NEMP2: variants seen among roughly 807,000 people sequenced by gnomAD.
The protein encoded by NEMP2 is UPF0571 transmembrane protein.
In NEMP2, 53 loss-of-function variants were observed where a neutral mutation model predicts 54.2. The observed-to-expected ratio is 0.98, with a 90% CI of 0.78 to 1.23. The LOEUF (loss-of-function observed/expected upper bound fraction) is 1.23, where lower values mean the gene tolerates loss of function less well. NEMP2 is among the 50% of genes most tolerant of loss of function. The probability of loss-of-function intolerance (pLI) is 0.00; values close to 1 mark genes in which losing one functional copy is unlikely to be tolerated. For synonymous variants in NEMP2, 197 were observed against 190.3 expected (o/e 1.04, Z -0.29); for missense variants, 455 against 511.3 (o/e 0.89, Z 1.06).
the NEMP2 span, among the ~76,000 whole-genome samples, chr2:190,617,613 A>G: frequency 6.6e-6 from 1 of 152,176 alleles, no homozygotes; most frequent in Non-Finnish European, 1.5e-5. The surrounding 1 kb of genome is among the most constrained non-coding windows in gnomAD (Gnocchi z 5.0). Context: ...TGTCATTTTC[A>G]TTTCTTGCTC....
chr2:190,436,545 A>T, the NEMP2 span: 1 of 1,614,234 alleles, frequency 6.2e-7, no homozygotes, highest in Admixed American at 1.7e-5. This position sits in a 1 kb window ranked among gnomAD's most constrained non-coding sequence, Gnocchi z 5.3. Flanking sequence ...CCACCAATGC[A>T]AGTCACCAGT....
chr2:190,492,064 A>G, the NEMP2 span, among the ~76,000 whole-genome samples: 1 of 152,320 alleles, frequency 6.6e-6, no homozygotes, highest in South Asian at 2.1e-4. This position sits in a 1 kb window ranked among gnomAD's most constrained non-coding sequence, Gnocchi z 5.2. Flanking sequence ...AAAGAACTTC[A>G]GAGCTCAAAG....
chr2:190,618,447 T>G, the NEMP2 span, among the ~76,000 whole-genome samples: 1 of 152,228 alleles, frequency 6.6e-6, no homozygotes, highest in Non-Finnish European at 1.5e-5. Context: ...TAGAGCACTA[T>G]TGTGACTTTT....
chr2:190,491,735 A>C, the NEMP2 span, among the ~76,000 whole-genome samples: 1 of 152,222 alleles, frequency 6.6e-6, no homozygotes, highest in Non-Finnish European at 1.5e-5. This position sits in a 1 kb window ranked among gnomAD's most constrained non-coding sequence, Gnocchi z 4.2. Flanking sequence ...TTCTAGTAAT[A>C]TGACAAAACA....
Position 190,530,659 on chromosome 2 carries a change from G to A in NEMP2, c.97+3900C>T, listed in dbSNP as rs868490213. On this transcript the variant is annotated intron_variant, in intron 1 of 8. Transcript: ENST00000409150. The surrounding 1 kb of genome is among the most constrained non-coding windows in gnomAD (Gnocchi z 4.6). The stretch of plus-strand genomic sequence containing the variant: ...AATCTTCTTCTAGAGCCATTTCACT[G>A]CTCGGTTTCAATCATGTCCAATGGA... 6.6e-6 allele frequency among the ~76,000 whole-genome samples: 1 copy of A among 152,122 alleles called. No individual in the cohort carries two copies. Among genetic ancestry groups the A allele is most frequent in the Non-Finnish European group, 1.5e-5 (1 of 68,026 alleles).
the NEMP2 span, among the ~76,000 whole-genome samples, chr2:190,632,820 G>A: frequency 2.6e-5 from 4 of 152,150 alleles, no homozygotes; most frequent in Non-Finnish European, 5.9e-5. This position sits in a 1 kb window ranked among gnomAD's most constrained non-coding sequence, Gnocchi z 4.8. Context: ...TGACCAAGCA[G>A]TAATATGTGG....
rs1690767482 is a variant in NEMP2 at position 190,522,010 on chromosome 2, A to G, written c.214-2827T>C. On this transcript the variant is annotated intron_variant, in intron 2 of 8. Transcript: ENST00000409150. The surrounding 1 kb of genome is among the most constrained non-coding windows in gnomAD (Gnocchi z 5.0). ...TGCATCGCTAATTACTTTGCAAAAA[A>G]AGACACAGGAAAGATATACCAGAAA... Among the ~76,000 whole-genome samples the G allele has an allele frequency of 1.3e-5, 2 of 152,200 alleles. No homozygotes were observed. Among genetic ancestry groups the G allele is most frequent in the Admixed American group, 1.3e-4 (2 of 15,284 alleles).
the NEMP2 span, chr2:190,624,774 A>G: frequency 1.3e-5 from 2 of 152,200 alleles, no homozygotes; most frequent in Non-Finnish European, 2.9e-5. Flanking sequence ...GGAGGTAGAG[A>G]GTGGATTCAT....
the NEMP2 span, among the ~76,000 whole-genome samples, chr2:190,445,099 T>G: frequency 6.6e-6 from 1 of 152,302 alleles, no homozygotes; most frequent in South Asian, 2.1e-4. Context: ...TCCATCCTGC[T>G]TGTGCTCCTT....
the NEMP2 span, among the ~76,000 whole-genome samples, chr2:190,618,395 T>C: frequency 6.6e-6 from 1 of 152,180 alleles, no homozygotes; most frequent in East Asian, 1.9e-4. Context: ...AATGACACTT[T>C]ATGAGAAACA....
chr2:190,505,433 C>T lies in NEMP2; in HGVS notation c.*3756G>A, dbSNP rs1690164336. On this transcript the variant is annotated 3_prime_UTR_variant, in exon 9 of 9. Coordinates refer to ENST00000409150, the MANE Select transcript of NEMP2 (RefSeq NM_001142645.2). This position sits in a 1 kb window ranked among gnomAD's most constrained non-coding sequence, Gnocchi z 5.8. ...ATATAGTGCCTGATGGATCTCTAGT[C>T]AATGTTGGTATTCTTTCCCTTTCTC... 1 of 152,096 alleles carries T rather than the reference C, an allele frequency of 6.6e-6. No homozygotes were observed. The highest frequency in any genetic ancestry group is 1.5e-5 in the Non-Finnish European group (1 of 68,018). 9.4% of individuals were successfully genotyped at this position (152,096 alleles called of 1,614,324 possible). A position where few individuals can be genotyped will look rare whatever the true frequency, so the allele number is the denominator to read the frequency against.
downstream of NEMP2, among the ~76,000 whole-genome samples, chr2:190,504,110 G>C (rs1440658648): frequency 6.6e-6 from 1 of 152,154 alleles, no homozygotes; most frequent in East Asian, 1.9e-4. The surrounding 1 kb of genome is among the most constrained non-coding windows in gnomAD (Gnocchi z 5.6). Flanking sequence ...GAGTCACACT[G>C]TTTGCATTTG....
the NEMP2 span, among the ~76,000 whole-genome samples, chr2:190,474,581 A>C: frequency 2.0e-5 from 3 of 152,358 alleles, no homozygotes; most frequent in Middle Eastern, 3.4e-3. Flanking sequence ...TTAATAGCTT[A>C]CCAACCAAAA....
chr2:190,612,665 C>T, the NEMP2 span, among the ~76,000 whole-genome samples: 2 of 152,126 alleles, frequency 1.3e-5, no homozygotes, highest in African/African-American at 4.8e-5. Context: ...TGACCTAAAG[C>T]ATTTAGCAAA....
At chr2:190,576,144 T>A in the NEMP2 span, among the ~76,000 whole-genome samples, 5 of 151,992 alleles carry the variant, frequency 3.3e-5, no homozygotes, top group East Asian at 3.9e-4. Context: ...TATTTTAAAA[T>A]TTTTTTTCTA....
rs888066866 is a variant in NEMP2 at position 190,510,573 on chromosome 2, A to C, written c.954-36T>G. 6.5e-7 allele frequency: 1 copy of C among 1,548,922 alleles called. No individual in the cohort carries two copies. Among genetic ancestry groups the C allele is most frequent in the African/African-American group, 1.4e-5 (1 of 72,966 alleles). ...GCATGTGGTTGCAGGATTACTTCCTAATTCAATCCTTAAGATTTACAAAAA... is the reference window on the plus strand; with the variant it reads ...GCATGTGGTTGCAGGATTACTTCCTCATTCAATCCTTAAGATTTACAAAAA... On this transcript the variant is annotated intron_variant, in intron 7 of 8. Transcript: ENST00000409150. This position sits in a 1 kb window ranked among gnomAD's most constrained non-coding sequence, Gnocchi z 5.7.
At chr2:190,634,740 G>A in the NEMP2 span, among the ~76,000 whole-genome samples, 7 of 152,190 alleles carry the variant, frequency 4.6e-5, no homozygotes, top group African/African-American at 1.7e-4. The surrounding 1 kb of genome is among the most constrained non-coding windows in gnomAD (Gnocchi z 6.8). Flanking sequence ...CTGTTCATGA[G>A]GTTAACTGAT....
the NEMP2 span, among the ~76,000 whole-genome samples, chr2:190,572,009 C>T: frequency 1.1e-4 from 16 of 152,134 alleles, no homozygotes; most frequent in Admixed American, 1.0e-3. Flanking sequence ...TCATTTCTAG[C>T]TGTTCAAAAT....
the NEMP2 span, among the ~76,000 whole-genome samples, chr2:190,573,604 C>T: frequency 7.2e-5 from 11 of 152,102 alleles, 1 homozygote; most frequent in Admixed American, 2.0e-4. Flanking sequence ...CTCAAGCCAA[C>T]GTGTGACAGA....
Sources: allele counts gnomAD v4.1 joint callset (sites outside exome capture counted in the v4.1 genomes callset), GRCh38; gene constraint gnomAD v4.1.1; non-coding constraint Gnocchi (gnomAD v3.1); transcripts MANE v1.5; gene names NCBI Gene and HGNC (gene_info 2026-07-23, HGNC 2026-07-21).